The following OSR1 variants were observed in gnomAD, a reference collection of about 807,000 sequenced individuals.
OSR1 encodes odd-skipped related transcription factor 1, also known as protein odd-skipped-related 1.
Under a neutral mutation model 15.7 loss-of-function variants are expected in OSR1, and 3 were observed. That is an observed-to-expected ratio of 0.19 (90% confidence interval 0.09 to 0.50). The LOEUF is 0.50. Among genes scored for constraint, OSR1 ranks in the 20% least tolerant of loss-of-function variants. The pLI is 0.97. For synonymous variants in OSR1, 166 were observed against 152.7 expected (o/e 1.09, Z -0.64); for missense variants, 271 against 351.1 (o/e 0.77, Z 1.82).
chr2:19,354,363 T>TA (rs45510895), intron 1 of OSR1: 6,384 of 152,666 alleles, frequency 0.042, 442 homozygotes, highest in African/African-American at 0.15. Context: ...ACACTGGCTT[T>TA]AAAAAAATGC....
At chr2:19,345,485 G>T in the OSR1 span, among the ~76,000 whole-genome samples, 2 of 151,970 alleles carry the variant, frequency 1.3e-5, no homozygotes, top group African/African-American at 4.8e-5. Flanking sequence ...TTTGTATAAG[G>T]TGTAAGGAAG....
downstream of OSR1, among the ~76,000 whole-genome samples, chr2:19,348,010 G>A (rs1019648777): frequency 2.0e-5 from 3 of 152,260 alleles, no homozygotes; most frequent in African/African-American, 7.2e-5. Context: ...CCGGACTCCG[G>A]CACCAGCAGC....
chr2:19,351,891 G>T lies in OSR1; in HGVS notation c.*384C>A, dbSNP rs553142602. 1.3e-4 allele frequency: 21 copies of T among 164,440 alleles called. No homozygotes were observed. The East Asian group carries it at 3.5e-3, about 28-fold the overall frequency. 10.2% of individuals were successfully genotyped at this position (164,440 alleles called of 1,614,324 possible). A position where few individuals can be genotyped will look rare whatever the true frequency, so the allele number is the denominator to read the frequency against. On this transcript the variant is annotated 3_prime_UTR_variant, in exon 3 of 3. Coordinates refer to ENST00000272223, the MANE Select transcript of OSR1 (RefSeq NM_145260.3). ...TCTCCACTCACTCTCCGCAGTCAGA[G>T]TTACAAGCTTATATGGTCAAAGACA...
chr2:19,347,502 C>A (rs1158601339), downstream of OSR1, among the ~76,000 whole-genome samples: 1 of 152,196 alleles, frequency 6.6e-6, no homozygotes, highest in Non-Finnish European at 1.5e-5. Context: ...CGAATTCTTT[C>A]TCTGCCACTG....
At chr2:19,358,052 G>A (rs1664985898) in intron 1 of OSR1, 1 of 152,266 alleles carries the variant, frequency 6.6e-6, no homozygotes, top group African/African-American at 2.4e-5. Context: ...AAAGTCCGTG[G>A]GCACCTCGCC....
At chr2:19,346,782 A>G (rs1664736906), downstream of OSR1, 1 of 152,270 alleles carries the variant, frequency 6.6e-6, no homozygotes, top group Admixed American at 6.5e-5. Flanking sequence ...AATCAATCAT[A>G]AGAAAACACA....
At position 19,353,485 on chromosome 2, in the gene OSR1, G is replaced by C; in HGVS notation, c.321C>G (p.Ser107Arg). The C allele has an allele frequency of 6.2e-7, 1 of 1,614,140 alleles. No individual in the cohort carries two copies. Among genetic ancestry groups the C allele is most frequent in the Non-Finnish European group, 8.5e-7 (1 of 1,179,974 alleles). Residue 107 changes from serine (S) to arginine (R), a missense_variant, in exon 2 of 3, where the codon AGC becomes AGG. Physicochemically the swap from Ser to Arg is moderately radical, Grantham distance 110 (BLOSUM62 -1). Around this residue, in one of 4 missense-constraint regions of OSR1, gnomAD observed 210 missense variants for 218.4 expected, o/e 0.96. Transcript: ENST00000272223. ...GCGGCTTGGTCTTGAGCGCTGGAAC[G>C]CTGCCTCCAGCGGTGATCTCGGGCT... ...QPKPEITAGGSVPALKTKPRF... is the reference protein window; with the variant it reads ...QPKPEITAGGRVPALKTKPRF...
At chr2:19,346,250 T>A in the OSR1 span, among the ~76,000 whole-genome samples, 2 of 152,202 alleles carry the variant, frequency 1.3e-5, no homozygotes, top group Non-Finnish European at 2.9e-5. Context: ...ACAAAAACTT[T>A]CAACTCATTC....
the OSR1 span, among the ~76,000 whole-genome samples, chr2:19,345,428 T>C: frequency 2.6e-5 from 4 of 152,218 alleles, no homozygotes; most frequent in Admixed American, 2.6e-4. Flanking sequence ...AGGGTTTTTA[T>C]GGTTTTAGGT....
downstream of OSR1, among the ~76,000 whole-genome samples, chr2:19,349,062 G>T (rs1271423533): frequency 6.6e-6 from 1 of 152,228 alleles, no homozygotes; most frequent in Non-Finnish European, 1.5e-5. Flanking sequence ...ATTGTGATGG[G>T]GGTCTGGAGA....
chr2:19,356,329 TC>T (rs988752542), intron 1 of OSR1: 4 of 152,238 alleles, frequency 2.6e-5, no homozygotes, highest in African/African-American at 9.7e-5. Context: ...GATCTTGTTT[TC>T]CCCAACACTA....
downstream of OSR1, among the ~76,000 whole-genome samples, chr2:19,347,484 C>T (rs2103355474): frequency 6.6e-6 from 1 of 152,318 alleles, no homozygotes; most frequent in East Asian, 1.9e-4. Context: ...TCAATGAAAG[C>T]ACAGCTTCGA....
Position 19,353,175 on chromosome 2 carries a change from C to A in OSR1, c.631G>T (p.Ala211Ser). The A allele has an allele frequency of 3.1e-6, 5 of 1,614,210 alleles. No homozygotes were observed. Among genetic ancestry groups the A allele is most frequent in the Non-Finnish European group, 4.2e-6 (5 of 1,180,014 alleles). The change falls in exon 2 of 3, where the codon GCC (alanine) becomes TCC (serine). Residue 211 changes from alanine (A) to serine (S), a missense_variant. Physicochemically the swap from Ala to Ser is moderately conservative, Grantham distance 99. Coordinates refer to ENST00000272223, the MANE Select transcript of OSR1 (RefSeq NM_145260.3). ...RPYTCDICHK[A>S]FRRQDHLRDH... ...CGCAGGTGGTCTTGCCTCCGGAAGG[C>A]TTTGTGGCAGATGTCACAGGTGTAG...
At chr2:19,349,023 CCA>C (rs1373186924), downstream of OSR1, among the ~76,000 whole-genome samples, 1 of 152,220 alleles carries the variant, frequency 6.6e-6, no homozygotes, top group Non-Finnish European at 1.5e-5. Context: ...ACGCTGAGCG[CCA>C]CACAGTCACT....
chr2:19,350,373 C>T (rs1227321456), downstream of OSR1, among the ~76,000 whole-genome samples: 1 of 152,106 alleles, frequency 6.6e-6, no homozygotes, highest in Admixed American at 6.5e-5. Context: ...TCCCGGGCCT[C>T]GAAGTTCTAG....
At chr2:19,354,231 G>C (rs1664903518) in intron 1 of OSR1, 1 of 173,092 alleles carries the variant, frequency 5.8e-6, no homozygotes, top group African/African-American at 2.4e-5. Context: ...GATAACAGGA[G>C]CTGGGGAACA....
At chr2:19,345,827 C>G in the OSR1 span, among the ~76,000 whole-genome samples, 2 of 152,238 alleles carry the variant, frequency 1.3e-5, no homozygotes, top group Non-Finnish European at 2.9e-5. Context: ...TGAGCTCCGA[C>G]TGCAAAGACA....
intron 2 of OSR1, among the ~76,000 whole-genome samples, chr2:19,352,668 G>T (rs1664863861): frequency 6.6e-6 from 1 of 152,130 alleles, no homozygotes; most frequent in African/African-American, 2.4e-5. Context: ...GGGCAAACTT[G>T]GCCTCCTTAT....
chr2:19,349,213 A>G (rs775266558), downstream of OSR1, among the ~76,000 whole-genome samples: 2 of 152,198 alleles, frequency 1.3e-5, no homozygotes, highest in Non-Finnish European at 2.9e-5. Flanking sequence ...CTGGGGCACT[A>G]GTTTCCAACC....
Sources: gnomAD v4.1 joint callset for allele counts (sites outside exome capture counted in the v4.1 genomes callset) on GRCh38, gnomAD v4.1.1 for gene constraint, gnomAD v4.1.1 regional missense constraint, MANE v1.5 for transcripts, NCBI Gene and HGNC (gene_info 2026-07-23, HGNC 2026-07-21) for gene names.